The following MDGA2 variants were observed in gnomAD, a reference collection of about 807,000 sequenced individuals.
MDGA2 encodes the protein MAM domain containing glycosylphosphatidylinositol anchor 2.
A neutral mutation model predicts 117.8 loss-of-function variants in MDGA2; 40 were observed. The ratio of observed to expected loss-of-function variants is 0.34; its 90% CI spans 0.26 to 0.44. MDGA2 has a LOEUF of 0.44. MDGA2 is among the 20% of genes least tolerant of loss of function. The probability of loss-of-function intolerance (pLI) is 1.00; values close to 1 mark genes in which losing one functional copy is unlikely to be tolerated. For synonymous variants in MDGA2, 452 were observed against 439.0 expected (o/e 1.03, Z -0.37); for missense variants, 1,123 against 1,250.6 (o/e 0.90, Z 1.54).
chr14:47,200,946 C>A, intron 3 of MDGA2: 1 of 830,412 alleles, frequency 1.2e-6, no homozygotes. Context: ...TCGGTCCGAA[C>A]TTCAACTTGT....
intron 1 of MDGA2, among the ~76,000 whole-genome samples, chr14:47,663,078 G>A (rs551519448): frequency 3.9e-5 from 6 of 152,220 alleles, no homozygotes; most frequent in East Asian, 1.9e-4. Flanking sequence ...CAATAATGGC[G>A]TAGAGTAACC....
chr14:46,906,467 C>T (rs183641827), intron 10 of MDGA2, among the ~76,000 whole-genome samples: 159 of 152,060 alleles, frequency 1.0e-3, no homozygotes, highest in Middle Eastern at 6.8e-3. Context: ...AACACTGAGC[C>T]TTGTCATTGC....
At chr14:47,083,681 T>C (rs957804830) in intron 6 of MDGA2, among the ~76,000 whole-genome samples, 2 of 152,084 alleles carry the variant, frequency 1.3e-5, no homozygotes, top group African/African-American at 4.8e-5. Context: ...ATATATTATC[T>C]ATAAGAAATT....
intron 1 of MDGA2, among the ~76,000 whole-genome samples, chr14:47,639,637 CTTTTA>C (rs2138242465): frequency 6.6e-6 from 1 of 152,218 alleles, no homozygotes; most frequent in East Asian, 1.9e-4. Context: ...TTTTATTCTT[CTTTTA>C]TTTAAGACTT....
chr14:47,287,490 A>G (rs1888728249), intron 2 of MDGA2, among the ~76,000 whole-genome samples: 2 of 152,264 alleles, frequency 1.3e-5, no homozygotes, highest in South Asian at 2.1e-4. Context: ...TACATTGTAA[A>G]GTGGTTAAAT....
At chr14:46,949,913 T>C (rs1015551083) in intron 9 of MDGA2, among the ~76,000 whole-genome samples, 13 of 151,848 alleles carry the variant, frequency 8.6e-5, no homozygotes, top group African/African-American at 2.9e-4. Context: ...CTTTAAATAG[T>C]AGATTTTTGA....
intron 5 of MDGA2, among the ~76,000 whole-genome samples, chr14:47,102,270 T>C (rs190318251): frequency 6.2e-5 from 9 of 144,010 alleles, no homozygotes; most frequent in Non-Finnish European, 1.4e-4. Context: ...ATTAGAGATA[T>C]TCTAATTTAA....
intron 3 of MDGA2, among the ~76,000 whole-genome samples, chr14:47,184,897 A>C (rs2139383641): frequency 6.6e-6 from 1 of 151,684 alleles, no homozygotes; most frequent in East Asian, 1.9e-4. Flanking sequence ...TTAAAATATA[A>C]AAATAGAATG....
chr14:47,171,001 C>T (rs541926976), intron 3 of MDGA2, among the ~76,000 whole-genome samples: 2 of 152,222 alleles, frequency 1.3e-5, no homozygotes, highest in South Asian at 4.1e-4. Context: ...GGATGTCTGA[C>T]ACATTAGATA....
intron 2 of MDGA2, among the ~76,000 whole-genome samples, chr14:47,265,974 G>T (rs1887952889): frequency 2.0e-5 from 3 of 152,010 alleles, no homozygotes; most frequent in Admixed American, 2.0e-4. Flanking sequence ...TACAACTAAT[G>T]CTATTGATTG....
chr14:47,018,160 C>CG (rs1490239664), intron 8 of MDGA2, among the ~76,000 whole-genome samples: 1 of 151,418 alleles, frequency 6.6e-6, no homozygotes, highest in Non-Finnish European at 1.5e-5. Flanking sequence ...TTTTTCCCCC[C>CG]GTTCTTTTTT....
intron 2 of MDGA2, among the ~76,000 whole-genome samples, chr14:47,236,312 A>C (rs947549531): frequency 4.7e-5 from 7 of 148,250 alleles, no homozygotes; most frequent in Admixed American, 1.3e-4. Context: ...AAAAAAAAAA[A>C]ACAACACTGT....
intron 5 of MDGA2, among the ~76,000 whole-genome samples, chr14:47,101,584 G>A (rs1001192350): frequency 6.6e-6 from 1 of 152,148 alleles, no homozygotes; most frequent in African/African-American, 2.4e-5. Context: ...ATGTTCCAGG[G>A]AGACAGCTCC....
intron 2 of MDGA2, among the ~76,000 whole-genome samples, chr14:47,293,903 C>A (rs535628426): frequency 6.6e-6 from 1 of 152,166 alleles, no homozygotes. Flanking sequence ...AAAAGCCTTT[C>A]TTATTCTATA....
At chr14:47,655,460 A>G (rs938223913) in intron 1 of MDGA2, among the ~76,000 whole-genome samples, 21 of 152,128 alleles carry the variant, frequency 1.4e-4, no homozygotes, top group African/African-American at 4.8e-4. Flanking sequence ...ATTACATAAT[A>G]TCAATGACAT....
Position 47,144,710 on chromosome 14 carries a change from G to A in MDGA2, c.596-436C>T, listed in dbSNP as rs533817460. Among the ~76,000 whole-genome samples the A allele has an allele frequency of 1.2e-4, 18 of 151,716 alleles. No homozygotes were observed. The South Asian group carries it at 2.5e-3, about 21-fold the overall frequency. On this transcript the variant is annotated intron_variant, in intron 3 of 16. Coordinates refer to ENST00000399232, the MANE Select transcript of MDGA2 (RefSeq NM_001113498.3). ...GTCAACCAGGCTGAAGTCCAGTGGC[G>A]CAATCAGAGCTTACTGCAGCCTCAA...
chr14:47,187,060 T>C (rs1268954809), intron 3 of MDGA2, among the ~76,000 whole-genome samples: 1 of 151,914 alleles, frequency 6.6e-6, no homozygotes, highest in Non-Finnish European at 1.5e-5. Flanking sequence ...AAAATGTAAA[T>C]AGTTAGCCAC....
chr14:47,535,069 T>C lies in MDGA2; in HGVS notation c.280+139448A>G, dbSNP rs1411346404. Reference sequence around the variant, plus strand: ...TATGTCAACATGTTTTTTACTTCTGTTTCTTCAGAACCTATTTGTCAACGT... The same window carrying C: ...TATGTCAACATGTTTTTTACTTCTGCTTCTTCAGAACCTATTTGTCAACGT... On this transcript the variant is annotated intron_variant, in intron 1 of 16. Transcript: ENST00000399232. Among the ~76,000 whole-genome samples, 4 of 152,226 alleles carry C rather than the reference T, an allele frequency of 2.6e-5. No homozygotes were observed. In the East Asian group the frequency reaches 7.7e-4, roughly 29 times the overall value.
chr14:47,173,912 G>A lies in MDGA2; in HGVS notation c.596-29638C>T, dbSNP rs1378076855. 3.3e-5 allele frequency among the ~76,000 whole-genome samples: 5 copies of A among 152,062 alleles called. No individual in the cohort carries two copies. In the East Asian group the frequency reaches 7.7e-4, roughly 23 times the overall value. ...TGTATTCAGGAAATCCAGCTCATGC[G>A]CAGAGACACACATAGGCTCAAAATA... On this transcript the variant is annotated intron_variant, in intron 3 of 16. Transcript: ENST00000399232.
Sources: allele counts gnomAD v4.1 joint callset (sites outside exome capture counted in the v4.1 genomes callset), GRCh38; gene constraint gnomAD v4.1.1; transcripts MANE v1.5; gene names NCBI Gene and HGNC (gene_info 2026-07-23, HGNC 2026-07-21).